EYS: variants seen among roughly 807,000 people sequenced by gnomAD.
EYS encodes the protein protein eyes shut homolog.
Under a neutral mutation model 282.1 loss-of-function variants are expected in EYS, and 250 were observed. The ratio of observed to expected loss-of-function variants is 0.89; its 90% CI spans 0.80 to 0.98. EYS has a LOEUF of 0.98. EYS is among the 50% of genes least tolerant of loss of function. The pLI is 0.00. For synonymous variants in EYS, 1,355 were observed against 1,282.9 expected (o/e 1.06, Z -1.20); for missense variants, 4,016 against 3,709.0 (o/e 1.08, Z -2.15).
At chr6:64,861,693 A>G (rs1420980252) in intron 19 of EYS, among the ~76,000 whole-genome samples, 1 of 152,172 alleles carries the variant, frequency 6.6e-6, no homozygotes, top group Non-Finnish European at 1.5e-5. Context: ...GATTTTCTGA[A>G]CCTTATAATA....
At chr6:64,950,792 CATATACATAT>C (rs1307112673) in intron 14 of EYS, among the ~76,000 whole-genome samples, 1,123 of 60,852 alleles carry the variant, frequency 0.018, 10 homozygotes, top group Middle Eastern at 0.06. Flanking sequence ...TACACATATA[CATATACATAT>C]ATATATATAT....
intron 42 of EYS, among the ~76,000 whole-genome samples, chr6:63,725,324 CA>C (rs1376244102): frequency 6.6e-6 from 1 of 151,602 alleles, no homozygotes; most frequent in African/African-American, 2.4e-5. Flanking sequence ...TTCATATACA[CA>C]AACAAATATG....
chr6:65,677,529 T>C (rs1044366638), intron 1 of EYS, among the ~76,000 whole-genome samples: 1 of 151,834 alleles, frequency 6.6e-6, no homozygotes, highest in Non-Finnish European at 1.5e-5. Flanking sequence ...TAAATGACTA[T>C]AAAACATTGA....
At chr6:65,006,962 C>A (rs540162331) in intron 13 of EYS, among the ~76,000 whole-genome samples, 10 of 152,306 alleles carry the variant, frequency 6.6e-5, no homozygotes, top group African/African-American at 2.4e-4. Flanking sequence ...AAGAATGCAT[C>A]TTGATGGGGC....
At chr6:64,894,423 T>C (rs1767389242) in intron 18 of EYS, among the ~76,000 whole-genome samples, 1 of 152,154 alleles carries the variant, frequency 6.6e-6, no homozygotes, top group Non-Finnish European at 1.5e-5. Flanking sequence ...TGGCAGAGGC[T>C]AACTGATGAC....
intron 33 of EYS, among the ~76,000 whole-genome samples, chr6:64,032,476 G>A (rs533627172): frequency 3.9e-4 from 60 of 152,206 alleles, no homozygotes; most frequent in African/African-American, 1.4e-3. Context: ...TCTATACCAC[G>A]TGTCTGTGGA....
chr6:65,667,348 T>A (rs940691079), intron 1 of EYS, among the ~76,000 whole-genome samples: 1 of 151,902 alleles, frequency 6.6e-6, no homozygotes, highest in Non-Finnish European at 1.5e-5. Context: ...TGCTCTCACT[T>A]AAATTCATAC....
chr6:64,911,816 G>C (rs950601996), intron 16 of EYS, among the ~76,000 whole-genome samples: 2 of 152,060 alleles, frequency 1.3e-5, no homozygotes, highest in African/African-American at 4.8e-5. Context: ...CTAAACCACT[G>C]TGCATTAATA....
chr6:65,127,061 G>T (rs920529094), intron 12 of EYS, among the ~76,000 whole-genome samples: 1 of 152,068 alleles, frequency 6.6e-6, no homozygotes, highest in African/African-American at 2.4e-5. Context: ...TTGCGACAAT[G>T]AAAACTGTTT....
intron 28 of EYS, among the ~76,000 whole-genome samples, chr6:64,425,669 A>C (rs554290956): frequency 1.3e-5 from 2 of 151,496 alleles, no homozygotes; most frequent in Non-Finnish European, 2.9e-5. Flanking sequence ...AAAAAAAAAA[A>C]AAAAAAAAAA....
intron 7 of EYS, among the ~76,000 whole-genome samples, chr6:65,387,746 C>A (rs896492572): frequency 1.3e-5 from 2 of 151,904 alleles, no homozygotes; most frequent in Non-Finnish European, 2.9e-5. Context: ...ACTCTCATCA[C>A]TTGTTTGTAA....
intron 12 of EYS, among the ~76,000 whole-genome samples, chr6:65,092,654 A>C (rs1037456831): frequency 6.6e-6 from 1 of 152,190 alleles, no homozygotes; most frequent in African/African-American, 2.4e-5. Flanking sequence ...CCGTGATAGC[A>C]TATAGTCATC....
At chr6:65,116,550 T>C (rs1775379245) in intron 12 of EYS, among the ~76,000 whole-genome samples, 1 of 152,090 alleles carries the variant, frequency 6.6e-6, no homozygotes, top group South Asian at 2.1e-4. Flanking sequence ...TGGAGCAAGA[T>C]GCTGGCTATT....
intron 26 of EYS, among the ~76,000 whole-genome samples, chr6:64,478,090 T>C (rs568499756): frequency 6.6e-6 from 1 of 152,216 alleles, no homozygotes; most frequent in African/African-American, 2.4e-5. Flanking sequence ...TCCACCATTG[T>C]GTCCTTAATA....
intron 28 of EYS, among the ~76,000 whole-genome samples, chr6:64,419,950 T>C (rs1418576957): frequency 6.6e-6 from 1 of 152,162 alleles, no homozygotes; most frequent in Non-Finnish European, 1.5e-5. Context: ...CTGTGCGGGG[T>C]CTTTGACCCC....
At chr6:64,465,852 A>C (rs1358508724) in intron 26 of EYS, among the ~76,000 whole-genome samples, 3 of 152,138 alleles carry the variant, frequency 2.0e-5, no homozygotes, top group Non-Finnish European at 4.4e-5. Context: ...GAAACCATAC[A>C]TCTGTTAAGA....
intron 30 of EYS, among the ~76,000 whole-genome samples, chr6:64,242,352 A>C (rs916061244): frequency 6.6e-6 from 1 of 152,170 alleles, no homozygotes; most frequent in Admixed American, 6.6e-5. Context: ...GATGGGAATT[A>C]GATTGATACT....
At chr6:65,339,379 G>C (rs539485794) in intron 10 of EYS, among the ~76,000 whole-genome samples, 6 of 151,052 alleles carry the variant, frequency 4.0e-5, no homozygotes, top group African/African-American at 7.3e-5. Context: ...CAGTCACCAC[G>C]GTTCAAAAAT....
At chr6:65,561,243 T>C (rs1769046162) in intron 2 of EYS, among the ~76,000 whole-genome samples, 1 of 152,146 alleles carries the variant, frequency 6.6e-6, no homozygotes, top group Non-Finnish European at 1.5e-5. Flanking sequence ...CCATGTTGGA[T>C]ATTTTCATGT....
Sources: allele counts gnomAD v4.1 joint callset (sites outside exome capture counted in the v4.1 genomes callset), GRCh38; gene constraint gnomAD v4.1.1; transcripts MANE v1.5; gene names NCBI Gene and HGNC (gene_info 2026-07-23, HGNC 2026-07-21).